UBA2: variants seen among roughly 807,000 people sequenced by gnomAD.
The protein encoded by UBA2 is ubiquitin like modifier activating enzyme 2.
Under a neutral mutation model 77.2 loss-of-function variants are expected in UBA2, and 11 were observed. The observed-to-expected ratio is 0.14, with a 90% confidence interval of 0.09 to 0.24. The LOEUF (loss-of-function observed/expected upper bound fraction) is 0.24, where lower values mean the gene tolerates loss of function less well. Ranked by LOEUF, UBA2 falls within the 10% of genes least tolerant of loss-of-function variation. UBA2 has a pLI of 1.00. For synonymous variants in UBA2, 278 were observed against 276.7 expected (o/e 1.00, Z -0.05); for missense variants, 487 against 781.7 (o/e 0.62, Z 4.50).
At chr19:34,464,679 G>C (rs1243966431) in intron 15 of UBA2, among the ~76,000 whole-genome samples, 2 of 152,168 alleles carry the variant, frequency 1.3e-5, no homozygotes, top group Non-Finnish European at 2.9e-5. Flanking sequence ...AGTTTAAACA[G>C]AGGCAAATTC....
At chr19:34,441,245 G>A (rs1197470775) in intron 6 of UBA2, among the ~76,000 whole-genome samples, 1 of 152,022 alleles carries the variant, frequency 6.6e-6, no homozygotes, top group Non-Finnish European at 1.5e-5. Flanking sequence ...CACGAGGTCA[G>A]GAGATCGAGA....
rs938986208 is a variant in UBA2 at position 34,450,202 on chromosome 19, G to A, written c.772-63G>A. On this transcript the variant is annotated intron_variant, in intron 8 of 16. Coordinates refer to ENST00000246548, the MANE Select transcript of UBA2 (RefSeq NM_005499.3). Reference sequence around the variant, plus strand: ...TAGTGTAATATAGATCAGCAATGACGTTTTCTTGTATCTTATCAATTAGGG... The same window carrying A: ...TAGTGTAATATAGATCAGCAATGACATTTTCTTGTATCTTATCAATTAGGG... 7 of 1,157,428 alleles carry A rather than the reference G, an allele frequency of 6.0e-6. No homozygotes were observed. In the African/African-American group the frequency reaches 6.2e-5, roughly 10 times the overall value. 71.7% of individuals were successfully genotyped at this position (1,157,428 alleles called of 1,614,324 possible). A position where few individuals can be genotyped will look rare whatever the true frequency, so the allele number is the denominator to read the frequency against.
rs760699121 is a variant in UBA2, at chr19:34,440,918, T to TC, written c.581+2154dup. ...TCCAGCCTGGGCAACAGAGCAAGAC[T>TC]CCATCTCAAAAAAAAAAAAAAAAAA... is the stretch of plus-strand genomic sequence containing the variant. On this transcript the variant is annotated intron_variant, in intron 6 of 16. Transcript: ENST00000246548. 3.1e-3 allele frequency among the ~76,000 whole-genome samples: 373 copies of TC among 118,694 alleles called. 2 individuals are homozygous for TC. Among genetic ancestry groups the TC allele is most frequent in the Non-Finnish European group, 4.8e-3 (291 of 61,126 alleles). The allele number at this position is 118,694 out of a possible 152,430, so 77.9% of individuals were successfully genotyped here.
chr19:34,469,393 T>G lies in UBA2; in HGVS notation c.*172T>G, dbSNP rs1418617268. ...AACTGTTAGACACATTGCAGTATGC[T>G]GTATTGAAAGTAGGAATATAGTTTT... On this transcript the variant is annotated 3_prime_UTR_variant, in exon 17 of 17. Coordinates refer to ENST00000246548, the MANE Select transcript of UBA2 (RefSeq NM_005499.3). 1 of 459,414 alleles carries G rather than the reference T, an allele frequency of 2.2e-6. No homozygotes were observed. Among genetic ancestry groups the G allele is most frequent in the Non-Finnish European group, 3.6e-6 (1 of 278,880 alleles). 28.5% of individuals were successfully genotyped at this position (459,414 alleles called of 1,614,324 possible). A position where few individuals can be genotyped will look rare whatever the true frequency, so the allele number is the denominator to read the frequency against.
chr19:34,432,713 A>G (rs548975884), intron 3 of UBA2, among the ~76,000 whole-genome samples: 1 of 152,262 alleles, frequency 6.6e-6, no homozygotes, highest in African/African-American at 2.4e-5. Flanking sequence ...GCACGCCACC[A>G]CACTCAGCTA....
At chr19:34,440,836 G>T (rs1244842962) in intron 6 of UBA2, among the ~76,000 whole-genome samples, 2 of 150,222 alleles carry the variant, frequency 1.3e-5, no homozygotes, top group African/African-American at 4.9e-5. Context: ...TGAGGCAGGA[G>T]AATTGCTTGA....
At chr19:34,429,043 C>T (rs1245424158) in intron 1 of UBA2, 21 of 985,410 alleles carry the variant, frequency 2.1e-5, no homozygotes, top group Non-Finnish European at 2.4e-5. Context: ...AGCGGGTTTA[C>T]ACACGGAACG....
chr19:34,447,647 C>G (rs2075446488), intron 8 of UBA2, among the ~76,000 whole-genome samples: 1 of 152,166 alleles, frequency 6.6e-6, no homozygotes, highest in Non-Finnish European at 1.5e-5. Context: ...AAGACAGAGT[C>G]CTTGCTCTTT....
intron 15 of UBA2, 138 bp from the exon 16 acceptor site, chr19:34,466,739 TA>T (rs1568387430): frequency 9.5e-6 from 6 of 628,764 alleles, no homozygotes; most frequent in South Asian, 3.7e-5. Context: ...CATTTTTTTT[TA>T]AATAAAAATT....
rs1386677345 is a variant in UBA2 at position 34,457,175 on chromosome 19, AAAAAATATATATATAT to A, written c.1246-1592_1246-1577del. On this transcript the variant is annotated intron_variant, in intron 12 of 16. Transcript: ENST00000246548. Reference sequence around the variant, plus strand: ...GAAACCTGGTCTCTACTAAAAAAAAAAAAAATATATATATATATATATATATATATATATATATAAA... The same window carrying A: ...GAAACCTGGTCTCTACTAAAAAAAAAATATATATATATATATATATATAAA... Among the ~76,000 whole-genome samples the A allele has an allele frequency of 6.2e-4, 48 of 78,006 alleles. 2 individuals carry two copies. Among genetic ancestry groups the A allele is most frequent in the African/African-American group, 4.0e-3 (46 of 11,642 alleles). 51.2% of individuals were successfully genotyped at this position (78,006 alleles called of 152,430 possible).
At chr19:34,429,374 G>A (rs2075225810) in intron 1 of UBA2, among the ~76,000 whole-genome samples, 2 of 152,222 alleles carry the variant, frequency 1.3e-5, no homozygotes, top group Non-Finnish European at 2.9e-5. Flanking sequence ...TGAGTTTAAA[G>A]TGTCTTAAGG....
At chr19:34,461,975 T>G (rs1275404147) in intron 14 of UBA2, among the ~76,000 whole-genome samples, 1 of 152,208 alleles carries the variant, frequency 6.6e-6, no homozygotes, top group Non-Finnish European at 1.5e-5. Context: ...AATGAACATC[T>G]GTCTACAAAG....
chr19:34,456,106 C>CTTTTTTTTTTTTTTTTTT (rs869130576), intron 12 of UBA2, among the ~76,000 whole-genome samples: 1 of 73,626 alleles, frequency 1.4e-5, no homozygotes, highest in Non-Finnish European at 3.4e-5. Flanking sequence ...TTTTCTTTTT[C>CTTTTTTTTTTTTTTTTTT]TTTTTTTTTT....
intron 10 of UBA2, 93 bp from the exon 11 acceptor site, chr19:34,454,167 T>C: frequency 8.9e-7 from 1 of 1,126,646 alleles, no homozygotes; most frequent in Non-Finnish European, 1.3e-6. Context: ...AAGTCTATAG[T>C]ATTATAAACA....
intron 14 of UBA2, 134 bp downstream of exon 14, chr19:34,460,700 T>TCAAG: frequency 1.7e-6 from 1 of 600,934 alleles, no homozygotes; most frequent in Non-Finnish European, 2.7e-6. Flanking sequence ...AGGTGCTCTT[T>TCAAG]CAAGGTGACA....
Position 34,469,563 on chromosome 19 carries a change from ATAT to A in UBA2, c.*346_*348del, listed in dbSNP as rs1186254528. ...TAGTAAAGTTGATACCTGGTTATAA[ATAT>A]TATGCCTTTATTTTTGGCTAGAAGA... is the stretch of plus-strand genomic sequence containing the variant. On this transcript the variant is annotated 3_prime_UTR_variant, in exon 17 of 17. Coordinates refer to ENST00000246548, the MANE Select transcript of UBA2 (RefSeq NM_005499.3). 6.4e-6 allele frequency: 1 copy of A among 156,638 alleles called. No individual in the cohort carries two copies. The highest frequency in any genetic ancestry group is 1.4e-5 in the Non-Finnish European group (1 of 70,838). The allele number at this position is 156,638 out of a possible 1,614,324, so 9.7% of individuals were successfully genotyped here.
At chr19:34,455,139 G>A (rs965968140) in intron 12 of UBA2, among the ~76,000 whole-genome samples, 3 of 152,130 alleles carry the variant, frequency 2.0e-5, no homozygotes, top group African/African-American at 7.2e-5. Context: ...TATTATATTT[G>A]GGTGCTTGGG....
chr19:34,440,505 ACTTAG>A (rs771826563), intron 6 of UBA2, among the ~76,000 whole-genome samples: 18 of 152,188 alleles, frequency 1.2e-4, no homozygotes, highest in Non-Finnish European at 2.5e-4. Context: ...AGGGAATACT[ACTTAG>A]CTTGTGTTAT....
chr19:34,448,476 C>T (rs2075455811), intron 8 of UBA2, among the ~76,000 whole-genome samples: 1 of 151,964 alleles, frequency 6.6e-6, no homozygotes, highest in Non-Finnish European at 1.5e-5. Context: ...AGCCTGCGGT[C>T]CCCAGCTACT....
Sources: gnomAD v4.1 joint callset for allele counts (sites outside exome capture counted in the v4.1 genomes callset) on GRCh38, gnomAD v4.1.1 for gene constraint, MANE v1.5 for transcripts, NCBI Gene and HGNC (gene_info 2026-07-23, HGNC 2026-07-21) for gene names.